VPS54: variants seen among roughly 807,000 people sequenced by gnomAD.
The protein encoded by VPS54 is VPS54 subunit of GARP complex.
VPS54 carries 45 observed loss-of-function variants against 121.5 expected under a neutral mutation model. The ratio of observed to expected loss-of-function variants is 0.37; its 90% CI spans 0.29 to 0.47. VPS54 has a LOEUF of 0.47. Ranked by LOEUF, VPS54 falls within the 20% of genes least tolerant of loss-of-function variation. The pLI, the probability that VPS54 is intolerant of heterozygous loss-of-function variation, is 0.99. For synonymous variants in VPS54, 371 were observed against 385.8 expected, an observed-to-expected ratio of 0.96 and a Z score of 0.45; for missense variants, 1,090 against 1,131.4, an observed-to-expected ratio of 0.96 and a Z score of 0.52.
chr2:64,012,455 T>TAAAAAA (rs11316408), intron 1 of VPS54, among the ~76,000 whole-genome samples: 1 of 111,574 alleles, frequency 9.0e-6, no homozygotes, highest in Non-Finnish European at 1.8e-5. Flanking sequence ...AGTAACTGTT[T>TAAAAAA]AAAAAAAAAA....
intron 3 of VPS54, among the ~76,000 whole-genome samples, chr2:63,972,973 G>A (rs1272212904): frequency 1.3e-5 from 2 of 151,906 alleles, no homozygotes; most frequent in Non-Finnish European, 2.9e-5. Flanking sequence ...AGAATTAGAT[G>A]ACCACTAACA....
chr2:63,940,740 G>A (rs570454753), intron 11 of VPS54, among the ~76,000 whole-genome samples: 10 of 142,366 alleles, frequency 7.0e-5, no homozygotes, highest in Non-Finnish European at 1.1e-4. Flanking sequence ...AAAATTTCTG[G>A]CAAAAAGTTG....
chr2:64,014,596 G>C (rs911636326), intron 1 of VPS54, among the ~76,000 whole-genome samples: 5 of 108,770 alleles, frequency 4.6e-5, no homozygotes, highest in Non-Finnish European at 1.2e-4. Context: ...TCCCTAGAGA[G>C]GCTGTCAGCC....
At chr2:63,972,084 G>C in intron 4 of VPS54, 82 bp downstream of exon 4, 2 of 778,636 alleles carry the variant, frequency 2.6e-6, no homozygotes, top group Non-Finnish European at 3.7e-6. Context: ...AGATATAACA[G>C]GCAATAAGGT....
rs1255670285 is a variant in VPS54, at chr2:63,962,155, C to G, written c.913G>C (p.Val305Leu). 1 of 1,613,544 alleles carries G rather than the reference C, an allele frequency of 6.2e-7. No individual in the cohort carries two copies. Among genetic ancestry groups the G allele is most frequent in the African/African-American group, 1.3e-5 (1 of 74,902 alleles). The change falls in exon 7 of 23, where the codon GTG becomes CTG. Residue 305 changes from valine to leucine, a missense_variant. Physicochemically the swap from Val to Leu is conservative, Grantham distance 32. Transcript: ENST00000272322. ...TVHQTQPTVQVLLSTSEFVGA... is the reference protein window; with the variant it reads ...TVHQTQPTVQLLLSTSEFVGA... ...ACAAATTCAGAAGTAGATAATAACA[C>G]CTGTACTGTAGGCTGAGTCTGGTGT...
intron 1 of VPS54, among the ~76,000 whole-genome samples, chr2:64,017,200 G>C (rs1337607163): frequency 6.6e-6 from 1 of 151,642 alleles, no homozygotes; most frequent in Non-Finnish European, 1.5e-5. Flanking sequence ...AATCAGCCAG[G>C]CGTGGGGGCG....
At chr2:64,002,686 A>G (rs1241456703) in intron 1 of VPS54, among the ~76,000 whole-genome samples, 1 of 152,206 alleles carries the variant, frequency 6.6e-6, no homozygotes, top group East Asian at 1.9e-4. Flanking sequence ...TTATTTCTGT[A>G]TCTGAGGAGA....
rs761493311 is a variant in VPS54, at chr2:63,968,944, T to TA, written c.492+12dup. ...TATTATAAGGCAATTTTCTCATGTT[T>TA]AAGCTTTGTTACCTTAGGTACTTGC... On this transcript the variant is annotated intron_variant, in intron 5 of 22. Transcript: ENST00000272322. The TA allele has an allele frequency of 1.9e-6, 3 of 1,600,580 alleles. No individual in the cohort carries two copies. The highest frequency in any genetic ancestry group is 2.6e-6 in the Non-Finnish European group (3 of 1,174,090).
intron 2 of VPS54, among the ~76,000 whole-genome samples, chr2:63,983,235 G>T (rs1676879871): frequency 6.7e-6 from 1 of 149,020 alleles, no homozygotes; most frequent in Non-Finnish European, 1.5e-5. Flanking sequence ...AGGTTCAAGT[G>T]ATTCTCCTGC....
chr2:63,902,621 A>T (rs1177084131), intron 20 of VPS54, among the ~76,000 whole-genome samples: 1 of 152,230 alleles, frequency 6.6e-6, no homozygotes, highest in Non-Finnish European at 1.5e-5. Context: ...AGCAACCAAC[A>T]GAACCAGACT....
intron 12 of VPS54, among the ~76,000 whole-genome samples, chr2:63,927,652 G>C (rs189876090): frequency 6.6e-6 from 1 of 152,188 alleles, no homozygotes; most frequent in Non-Finnish European, 1.5e-5. Flanking sequence ...AAACTGGACG[G>C]AGAATGAGTT....
intron 21 of VPS54, among the ~76,000 whole-genome samples, chr2:63,898,102 C>T (rs1475300020): frequency 6.6e-6 from 1 of 152,044 alleles, no homozygotes; most frequent in Non-Finnish European, 1.5e-5. Context: ...ATATAATAAT[C>T]TATGGAAGTT....
chr2:63,948,707 C>T (rs143272340), intron 8 of VPS54, among the ~76,000 whole-genome samples: 77 of 152,236 alleles, frequency 5.1e-4, no homozygotes, highest in African/African-American at 1.7e-3. Flanking sequence ...CAACTATGAT[C>T]ACTTTTTATA....
intron 22 of VPS54, among the ~76,000 whole-genome samples, chr2:63,894,717 GTT>G (rs1311759702): frequency 6.7e-6 from 1 of 150,204 alleles, no homozygotes; most frequent in Non-Finnish European, 1.5e-5. Context: ...AAAAAAAAAG[GTT>G]GTTTGATGGA....
In VPS54 at chr2:63,920,603, A is replaced by C; in HGVS notation, c.1894T>G (p.Ser632Ala). ...CTAGAAAGTGTTATGAATTCCATGG[A>C]ATTTAGCTTCTCAAGAAAACCATCC... is the stretch of plus-strand genomic sequence containing the variant. ...AKDGFLEKLN[S>A]MEFITLSRLM... The change falls in exon 14 of 23, where the codon TCC (serine) becomes GCC (alanine). Residue 632 changes from serine to alanine, a missense_variant. Coordinates refer to ENST00000272322, the MANE Select transcript of VPS54 (RefSeq NM_016516.3). 1 of 1,513,248 alleles carries C rather than the reference A, an allele frequency of 6.6e-7. No homozygotes were observed. Among genetic ancestry groups the C allele is most frequent in the Non-Finnish European group, 8.8e-7 (1 of 1,132,044 alleles). The allele number at this position is 1,513,248 out of a possible 1,614,324, so 93.7% of individuals were successfully genotyped here.
rs780772010 is a variant in VPS54, at chr2:63,988,034, G to A, written c.-20-4015C>T. Among the ~76,000 whole-genome samples, 34 of 152,174 alleles carry A rather than the reference G, an allele frequency of 2.2e-4. 1 individual carries two copies. Among genetic ancestry groups the A allele is most frequent in the Admixed American group, 1.6e-3 (25 of 15,278 alleles). ...TTTCTTTCTCCTGTCTGACTGCTCC[G>A]GCTAGGACTTCCAATACTACGTTGA... On this transcript the variant is annotated intron_variant, in intron 1 of 22. Transcript: ENST00000272322.
intron 16 of VPS54, among the ~76,000 whole-genome samples, chr2:63,915,951 ACG>A (rs1673362992): frequency 6.6e-6 from 1 of 152,218 alleles, no homozygotes; most frequent in Non-Finnish European, 1.5e-5. Flanking sequence ...CTATTATACT[ACG>A]GTAAGTGCCA....
chr2:64,016,128 G>A (rs1678678755), intron 1 of VPS54, among the ~76,000 whole-genome samples: 2 of 152,186 alleles, frequency 1.3e-5, no homozygotes, highest in Non-Finnish European at 2.9e-5. Flanking sequence ...GAAGTAAGCT[G>A]ATGACCTTTA....
intron 12 of VPS54, among the ~76,000 whole-genome samples, chr2:63,930,901 A>G (rs1490248408): frequency 1.3e-5 from 2 of 152,152 alleles, no homozygotes; most frequent in Admixed American, 1.3e-4. Context: ...TCATGAGCGA[A>G]CTCCCATTCA....
Sources: allele counts gnomAD v4.1 joint callset (sites outside exome capture counted in the v4.1 genomes callset), GRCh38; gene constraint gnomAD v4.1.1; transcripts MANE v1.5; gene names NCBI Gene and HGNC (gene_info 2026-07-23, HGNC 2026-07-21).